The following GANC variants were observed in gnomAD, a reference collection of about 807,000 sequenced individuals.
GANC encodes the protein neutral alpha-glucosidase C.
In GANC, 117 loss-of-function variants were observed where a neutral mutation model predicts 124.2. The ratio of observed to expected loss-of-function variants is 0.94; its 90% CI spans 0.81 to 1.10. The LOEUF is 1.10. GANC is among the 50% of genes least tolerant of loss of function. GANC has a pLI of 0.00. For missense variants in GANC, 1,140 were observed against 1,095.0 expected, an observed-to-expected ratio of 1.04 and a Z score of -0.58; for synonymous variants, 377 against 376.8, an observed-to-expected ratio of 1.00 and a Z score of -0.01.
Position 42,321,862 on chromosome 15 carries a change from A to G in GANC, c.1135A>G (p.Lys379Glu). 10 of 1,614,174 alleles carry G rather than the reference A, an allele frequency of 6.2e-6. No homozygotes were observed. Among genetic ancestry groups the G allele is most frequent in the Non-Finnish European group, 8.5e-6 (10 of 1,180,034 alleles). The change falls in exon 11 of 24, where the codon AAA (lysine) becomes GAA (glutamate). Residue 379 changes from lysine (K) to glutamate (E), a missense_variant. Coordinates refer to ENST00000318010, the MANE Select transcript of GANC (RefSeq NM_198141.3). ...GAACTATGAAGATGAGCAGGATGTA[A>G]AAGCAGTGGATGCAGGGTTTGATGA... ...RWNYEDEQDV[K>E]AVDAGFDEHD...
intron 5 of GANC, among the ~76,000 whole-genome samples, chr15:42,297,119 G>A (rs12914737): frequency 0.4 from 60,333 of 152,018 alleles, 15,084 homozygotes; most frequent in Middle Eastern, 0.56. Context: ...TTCTGGGAGT[G>A]AGGAGAGTTA....
rs1190082236 is a variant in GANC at position 42,327,361 on chromosome 15, A to AG, written c.1421dup. ...AGGCTATCTACTGTTCTGCCTCCAC[A>AG]GGTCTCTCCTCTTACCTGGATTTCA... On this transcript the variant is annotated splice_acceptor_variant, in intron 12 of 23. Transcript: ENST00000318010. LOFTEE classifies it high-confidence loss of function. The AG allele has an allele frequency of 8.1e-6, 13 of 1,610,282 alleles. No individual in the cohort carries two copies. In the Admixed American group the frequency reaches 2.2e-4, roughly 27 times the overall value.
chr15:42,283,575 G>A (rs779417291), intron 3 of GANC: 5 of 693,306 alleles, frequency 7.2e-6, no homozygotes, highest in Non-Finnish European at 1.3e-5. Context: ...CATGATATAG[G>A]TGACCATTTG....
chr15:42,301,826 A>T (rs1043549428), intron 6 of GANC, among the ~76,000 whole-genome samples: 3 of 152,196 alleles, frequency 2.0e-5, no homozygotes, highest in Non-Finnish European at 4.4e-5. Context: ...TGGGCAGGGC[A>T]TCTCTGAAAG....
chr15:42,327,157 TTCTGGTATTGAAAGA>T (rs1410936253), intron 12 of GANC, among the ~76,000 whole-genome samples, 191 bp from the exon 13 acceptor site: 9 of 152,230 alleles, frequency 5.9e-5, no homozygotes, highest in Non-Finnish European at 1.3e-4. Context: ...TCCCCTGGGC[TTCTGGTATTGAAAGA>T]TCTAGTGATT....
intron 20 of GANC, 97 bp from the exon 21 acceptor site, chr15:42,348,006 G>T: frequency 1.4e-6 from 1 of 711,698 alleles, no homozygotes. Context: ...ATCCGTACTT[G>T]TAGACTGTGA....
Position 42,274,183 on chromosome 15 carries a change from C to A in GANC, c.-299C>A. 1 of 402,484 alleles carries A rather than the reference C, an allele frequency of 2.5e-6. No individual in the cohort carries two copies. The highest frequency in any genetic ancestry group is 2.4e-5 in the South Asian group (1 of 41,710). The allele number at this position is 402,484 out of a possible 1,614,324, so 24.9% of individuals were successfully genotyped here. Reference sequence around the variant, plus strand: ...TACCCTCTAGGACTCATTGCGTACACGCCCTCACCGCCGCCCAGTTTCGGT... The same window carrying A: ...TACCCTCTAGGACTCATTGCGTACAAGCCCTCACCGCCGCCCAGTTTCGGT... On this transcript the variant is annotated 5_prime_UTR_variant, in exon 1 of 24. Coordinates refer to ENST00000318010, the MANE Select transcript of GANC (RefSeq NM_198141.3).
rs146901685 is a variant in GANC at position 42,345,216 on chromosome 15, A to C, written c.2230-542A>C. ...TATCTTTGAATTGTGCTTTGTTTAAAAAAAAAAAAAAGATACTATAATAGT... is the reference window on the plus strand; with the variant it reads ...TATCTTTGAATTGTGCTTTGTTTAACAAAAAAAAAAAGATACTATAATAGT... On this transcript the variant is annotated intron_variant, in intron 19 of 23. Transcript: ENST00000318010. 7.3e-3 allele frequency among the ~76,000 whole-genome samples: 1,102 copies of C among 151,018 alleles called. 11 individuals are homozygous for C. Among genetic ancestry groups the C allele is most frequent in the African/African-American group, 0.026 (1,067 of 41,270 alleles).
intron 5 of GANC, 132 bp downstream of exon 5, chr15:42,293,049 AT>A: frequency 6.2e-6 from 5 of 808,596 alleles, no homozygotes; most frequent in Non-Finnish European, 9.5e-6. Flanking sequence ...GTTCTGAGAA[AT>A]TTTACCTTTT....
At chr15:42,296,651 C>G (rs2051894699) in intron 5 of GANC, among the ~76,000 whole-genome samples, 1 of 152,102 alleles carries the variant, frequency 6.6e-6, no homozygotes, top group Non-Finnish European at 1.5e-5. Context: ...CATTGGCCTC[C>G]CAAAGTGCCC....
At chr15:42,316,408 C>T (rs1369094657) in intron 10 of GANC, among the ~76,000 whole-genome samples, 1 of 152,022 alleles carries the variant, frequency 6.6e-6, no homozygotes, top group Admixed American at 6.6e-5. Flanking sequence ...GAAGGTGAGT[C>T]GTCCAAGTGA....
At chr15:42,318,430 A>G (rs530507905) in intron 10 of GANC, among the ~76,000 whole-genome samples, 5 of 152,168 alleles carry the variant, frequency 3.3e-5, no homozygotes, top group African/African-American at 1.2e-4. Flanking sequence ...CATTTCTTTT[A>G]CTGTCTTCTA....
At chr15:42,344,699 G>A (rs999181960) in intron 19 of GANC, 9 of 152,248 alleles carry the variant, frequency 5.9e-5, no homozygotes, top group African/African-American at 1.9e-4. Flanking sequence ...TGAAGATGAG[G>A]GCTCTTTACT....
At chr15:42,322,845 G>T (rs1449969902) in intron 11 of GANC, among the ~76,000 whole-genome samples, 1 of 152,014 alleles carries the variant, frequency 6.6e-6, no homozygotes, top group African/African-American at 2.4e-5. Context: ...ATGAAAAGAT[G>T]GAAGGAGAGA....
intron 22 of GANC, among the ~76,000 whole-genome samples, chr15:42,350,249 C>T (rs1219436925): frequency 1.3e-5 from 2 of 151,776 alleles, no homozygotes; most frequent in African/African-American, 2.4e-5. Flanking sequence ...AGCCTGGTCT[C>T]GAACTCCCGA....
intron 13 of GANC, among the ~76,000 whole-genome samples, chr15:42,328,211 T>C (rs1312294009): frequency 1.3e-5 from 2 of 152,166 alleles, no homozygotes; most frequent in African/African-American, 4.8e-5. Context: ...CATCAAGTAT[T>C]AGGGCACTAA....
chr15:42,314,099 C>T, intron 10 of GANC: 1 of 730,636 alleles, frequency 1.4e-6, no homozygotes, highest in Non-Finnish European at 2.5e-6. Flanking sequence ...AAAAATAGCT[C>T]TCAGTCTGAG....
At chr15:42,345,318 T>C (rs1387679774) in intron 19 of GANC, among the ~76,000 whole-genome samples, 2 of 152,200 alleles carry the variant, frequency 1.3e-5, no homozygotes, top group Non-Finnish European at 2.9e-5. Context: ...TCTTTTGTAA[T>C]TGATTTGCCT....
intron 11 of GANC, among the ~76,000 whole-genome samples, chr15:42,323,120 T>C (rs1452316169): frequency 3.3e-5 from 5 of 152,174 alleles, no homozygotes; most frequent in Admixed American, 1.3e-4. Context: ...AGGTAGGTCT[T>C]GTTACCCCAT....
Sources: allele counts gnomAD v4.1 joint callset (sites outside exome capture counted in the v4.1 genomes callset), GRCh38; gene constraint gnomAD v4.1.1; transcripts MANE v1.5; gene names NCBI Gene and HGNC (gene_info 2026-07-23, HGNC 2026-07-21).